MYZAP: variants seen among roughly 807,000 people sequenced by gnomAD.
The protein encoded by MYZAP is myocardial zonula adherens protein.
MYZAP carries 66 observed loss-of-function variants against 69.4 expected under a neutral mutation model. The observed-to-expected ratio is 0.95, with a 90% CI of 0.78 to 1.17. The LOEUF (loss-of-function observed/expected upper bound fraction) is 1.17, where lower values mean the gene tolerates loss of function less well. Ranked by LOEUF, MYZAP falls within the 50% of genes most tolerant of loss-of-function variation. MYZAP has a pLI of 0.00. For missense variants in MYZAP, 611 were observed against 556.2 expected, an observed-to-expected ratio of 1.10 and a Z score of -0.99; for synonymous variants, 256 against 205.9, an observed-to-expected ratio of 1.24 and a Z score of -2.09.
intron 11 of MYZAP, 51 bp downstream of exon 11, chr15:57,661,584 A>G (rs746955413): frequency 6.7e-7 from 1 of 1,490,050 alleles, no homozygotes; most frequent in Non-Finnish European, 9.2e-7. Flanking sequence ...ATTAAATTTT[A>G]TGTTGCTAAG....
At chr15:57,678,832 T>C (rs1474728780) in intron 12 of MYZAP, among the ~76,000 whole-genome samples, 1 of 152,048 alleles carries the variant, frequency 6.6e-6, no homozygotes, top group Admixed American at 6.6e-5. Flanking sequence ...CTACTGCTAA[T>C]AGCATTTTTA....
At chr15:57,621,497 C>T (rs949243381) in intron 3 of MYZAP, 111 bp from the exon 4 acceptor site, 4 of 1,229,276 alleles carry the variant, frequency 3.3e-6, no homozygotes, top group Non-Finnish European at 4.4e-6. Flanking sequence ...CAGGCTTGAG[C>T]CACCGCACCT....
At chr15:57,646,999 CAT>C (rs1186511294) in intron 10 of MYZAP, 72 of 985,222 alleles carry the variant, frequency 7.3e-5, no homozygotes, top group Non-Finnish European at 8.6e-5. Context: ...TAGCTGCAGT[CAT>C]AGCAATGGGT....
At chr15:57,682,669 C>T (rs555008673) in intron 12 of MYZAP, among the ~76,000 whole-genome samples, 36 of 152,176 alleles carry the variant, frequency 2.4e-4, no homozygotes, top group Non-Finnish European at 4.9e-4. Context: ...TTCTGAACTC[C>T]TTAGCCAGGG....
intron 10 of MYZAP, chr15:57,647,720 C>T: frequency 6.1e-6 from 6 of 985,382 alleles, no homozygotes; most frequent in Non-Finnish European, 7.2e-6. Flanking sequence ...AGTGGATGCC[C>T]TCCACACCTC....
intron 3 of MYZAP, 26 bp downstream of exon 3, chr15:57,618,214 C>G (rs755984426): frequency 3.1e-6 from 5 of 1,609,214 alleles, no homozygotes; most frequent in African/African-American, 1.3e-5. Flanking sequence ...GTTTTTGCCC[C>G]CCACCTGTAT....
At chr15:57,648,271 T>C in intron 10 of MYZAP, 1 of 985,316 alleles carries the variant, frequency 1.0e-6, no homozygotes, top group African/African-American at 1.7e-5. Flanking sequence ...GTATTCACAA[T>C]ATAAATTGTC....
chr15:57,625,518 C>T (rs1351602222), intron 4 of MYZAP, among the ~76,000 whole-genome samples: 4 of 152,156 alleles, frequency 2.6e-5, no homozygotes, highest in African/African-American at 9.7e-5. Flanking sequence ...TGTTTTCTTC[C>T]TTACAAAGGA....
intron 8 of MYZAP, among the ~76,000 whole-genome samples, chr15:57,634,854 A>T (rs547118348): frequency 1.8e-4 from 27 of 152,328 alleles, no homozygotes; most frequent in African/African-American, 6.3e-4. Flanking sequence ...CTTAGTCAGG[A>T]CTAACATTAG....
At chr15:57,669,714 T>C (rs1362053385) in intron 11 of MYZAP, among the ~76,000 whole-genome samples, 7 of 152,208 alleles carry the variant, frequency 4.6e-5, no homozygotes, top group African/African-American at 1.7e-4. Flanking sequence ...TTCTAGCTTC[T>C]TGAGGTAGAA....
Position 57,591,935 on chromosome 15 carries a change from G to A in MYZAP, c.-100G>A. 1.8e-6 allele frequency: 2 copies of A among 1,121,580 alleles called. No homozygotes were observed. The highest frequency in any genetic ancestry group is 1.1e-6 in the Non-Finnish European group (1 of 894,822). 69.5% of individuals were successfully genotyped at this position (1,121,580 alleles called of 1,614,324 possible). A position where few individuals can be genotyped will look rare whatever the true frequency, so the allele number is the denominator to read the frequency against. ...GGTGCAGCTGAGGCTGCAAGTAGCC[G>A]GCGCCGTCCCGCGTCGCCCCCGCGC... On this transcript the variant is annotated 5_prime_UTR_variant, in exon 1 of 13. Transcript: ENST00000267853.
chr15:57,671,349 T>C (rs548998445), intron 11 of MYZAP, among the ~76,000 whole-genome samples: 1 of 152,296 alleles, frequency 6.6e-6, no homozygotes, highest in Non-Finnish European at 1.5e-5. Context: ...TTTCAGAAGT[T>C]TGACTGTAAT....
At position 57,644,039 on chromosome 15, in the gene MYZAP, G is replaced by A. The variant is rs545811190; in HGVS notation, c.1119+4494G>A. 3.0e-4 allele frequency among the ~76,000 whole-genome samples: 46 copies of A among 152,336 alleles called. 1 individual carries two copies. The East Asian group carries it at 6.4e-3, about 21-fold the overall frequency. ...CCAAGCTACACATTGGAATCACCTG[G>A]GGAGCTTTAAGACATGCCTGAACCT... is the stretch of plus-strand genomic sequence containing the variant. On this transcript the variant is annotated intron_variant, in intron 10 of 12. Transcript: ENST00000267853.
intron 11 of MYZAP, among the ~76,000 whole-genome samples, chr15:57,674,752 T>C (rs1281896357): frequency 6.6e-6 from 1 of 152,242 alleles, no homozygotes; most frequent in African/African-American, 2.4e-5. Flanking sequence ...TATGTAAAAT[T>C]GGATGCACAT....
rs76963369 is a variant in MYZAP at position 57,629,637 on chromosome 15, T to C, written c.526-65T>C. 2,924 of 1,556,636 alleles carry C rather than the reference T, an allele frequency of 1.9e-3. 57 individuals are homozygous for C. The African/African-American group carries it at 0.035, about 19-fold the overall frequency. ...TTAATGATAAGGGGATGCCCCAGCA[T>C]GTGGTGCAGCCCATGTGTTTTCACG... is the stretch of plus-strand genomic sequence containing the variant. On this transcript the variant is annotated intron_variant, in intron 5 of 12. Transcript: ENST00000267853.
At chr15:57,671,750 A>AT (rs1235604305) in intron 11 of MYZAP, among the ~76,000 whole-genome samples, 40 of 150,908 alleles carry the variant, frequency 2.7e-4, no homozygotes, top group African/African-American at 8.3e-4. Flanking sequence ...TGTATTTTCT[A>AT]TTTTTTTTAC....
chr15:57,677,637 G>A (rs1226344726), intron 12 of MYZAP, among the ~76,000 whole-genome samples: 1 of 152,138 alleles, frequency 6.6e-6, no homozygotes, highest in African/African-American at 2.4e-5. Flanking sequence ...GAATGTTTTA[G>A]ACCAATACAA....
intron 11 of MYZAP, among the ~76,000 whole-genome samples, chr15:57,662,592 TAGA>T (rs1359830287): frequency 1.3e-5 from 2 of 152,204 alleles, no homozygotes. Context: ...TCAGAATGTA[TAGA>T]AGGTGCCTGG....
intron 3 of MYZAP, 36 bp from the exon 4 acceptor site, chr15:57,621,572 G>A: frequency 1.2e-6 from 2 of 1,604,068 alleles, no homozygotes; most frequent in Non-Finnish European, 1.7e-6. Flanking sequence ...AAAATGTTAT[G>A]GCTTGATCTC....
Sources: gnomAD v4.1 joint callset for allele counts (sites outside exome capture counted in the v4.1 genomes callset) on GRCh38, gnomAD v4.1.1 for gene constraint, MANE v1.5 for transcripts, NCBI Gene and HGNC (gene_info 2026-07-23, HGNC 2026-07-21) for gene names.